The following PPP3CA variants were observed in gnomAD, a reference collection of about 807,000 sequenced individuals.
PPP3CA encodes CAM-PRP catalytic subunit.
A neutral mutation model predicts 66.5 loss-of-function variants in PPP3CA; 14 were observed. The observed-to-expected ratio is 0.21, with a 90% CI of 0.14 to 0.33. The LOEUF is 0.33. Ranked by LOEUF, PPP3CA falls within the 10% of genes least tolerant of loss-of-function variation. The probability of loss-of-function intolerance (pLI) is 1.00; values close to 1 mark genes in which losing one functional copy is unlikely to be tolerated. For synonymous variants in PPP3CA, 232 were observed against 226.2 expected, an observed-to-expected ratio of 1.03 and a Z score of -0.23; for missense variants, 317 against 639.5, an observed-to-expected ratio of 0.50 and a Z score of 5.44.
intron 1 of PPP3CA, among the ~76,000 whole-genome samples, chr4:101,336,313 G>A (rs138611781): frequency 9.2e-5 from 14 of 152,018 alleles, no homozygotes; most frequent in Admixed American, 7.9e-4. Context: ...GCTCACGCCT[G>A]TAATCCCAGC....
intron 2 of PPP3CA, among the ~76,000 whole-genome samples, chr4:101,183,700 A>G (rs189510496): frequency 3.9e-5 from 6 of 152,310 alleles, no homozygotes; most frequent in Admixed American, 1.3e-4. Flanking sequence ...CTGTGTCACC[A>G]TTATGAACAA....
chr4:101,031,649 C>T (rs147383260), intron 12 of PPP3CA, among the ~76,000 whole-genome samples: 74 of 152,240 alleles, frequency 4.9e-4, no homozygotes, highest in Non-Finnish European at 7.8e-4. Context: ...CTCTGCTGGA[C>T]GGCACAGGTC....
At chr4:101,100,559 T>A (rs566879272) in intron 3 of PPP3CA, among the ~76,000 whole-genome samples, 1 of 152,260 alleles carries the variant, frequency 6.6e-6, no homozygotes, top group African/African-American at 2.4e-5. Flanking sequence ...TGACACAGCC[T>A]TCCTGGAATG....
intron 12 of PPP3CA, 152 bp from the exon 13 acceptor site, chr4:101,029,347 T>TAAAAAGAAAAAAAAAAAAAAAATGAA (rs1726816762): frequency 1.3e-5 from 1 of 78,822 alleles, no homozygotes. Context: ...ACAGAAATGC[T>TAAAAAGAAAAAAAAAAAAAAAATGAA]AAAAAAAAAA....
chr4:101,080,908 A>C (rs1167241035), intron 7 of PPP3CA, among the ~76,000 whole-genome samples: 2 of 152,180 alleles, frequency 1.3e-5, no homozygotes, highest in South Asian at 4.1e-4. Context: ...TTGGAAAATC[A>C]TAATTCATTT....
At chr4:101,041,429 A>ATTTTTT (rs11296247) in intron 10 of PPP3CA, among the ~76,000 whole-genome samples, 1 of 86,108 alleles carries the variant, frequency 1.2e-5, no homozygotes, top group African/African-American at 4.5e-5. Context: ...TACCTCACAA[A>ATTTTTT]TTTTTTTTTT....
At chr4:101,300,044 CAT>C (rs1728327693) in intron 1 of PPP3CA, among the ~76,000 whole-genome samples, 1 of 152,274 alleles carries the variant, frequency 6.6e-6, no homozygotes, top group South Asian at 2.1e-4. Context: ...TTCCCAGAAA[CAT>C]AGTCTACTAA....
intron 6 of PPP3CA, among the ~76,000 whole-genome samples, chr4:101,093,027 G>A (rs1268567170): frequency 3.3e-5 from 5 of 152,044 alleles, no homozygotes; most frequent in African/African-American, 1.2e-4. Context: ...TTGAGCAATC[G>A]CCACACTGTC....
At chr4:101,232,386 T>C (rs1725989988) in intron 1 of PPP3CA, among the ~76,000 whole-genome samples, 1 of 151,730 alleles carries the variant, frequency 6.6e-6, no homozygotes, top group Non-Finnish European at 1.5e-5. Flanking sequence ...AGTTAAAGTA[T>C]AATTTTTGGC....
chr4:101,055,626 G>A (rs1355363085), intron 10 of PPP3CA, among the ~76,000 whole-genome samples: 1 of 152,090 alleles, frequency 6.6e-6, no homozygotes, highest in Non-Finnish European at 1.5e-5. Flanking sequence ...TAAGACAGAA[G>A]CTAACGAAGA....
At chr4:101,207,713 C>T (rs948427564) in intron 1 of PPP3CA, among the ~76,000 whole-genome samples, 8 of 152,064 alleles carry the variant, frequency 5.3e-5, no homozygotes, top group African/African-American at 1.7e-4. Flanking sequence ...GTAATCCCAG[C>T]TACTTGGGAG....
At chr4:101,140,830 T>C (rs1388761451) in intron 2 of PPP3CA, among the ~76,000 whole-genome samples, 2 of 152,210 alleles carry the variant, frequency 1.3e-5, no homozygotes, top group African/African-American at 4.8e-5. Flanking sequence ...AGACACTCAT[T>C]TCTTTGAGTC....
chr4:101,159,870 T>C (rs188933010), intron 2 of PPP3CA, among the ~76,000 whole-genome samples: 1 of 152,174 alleles, frequency 6.6e-6, no homozygotes, highest in East Asian at 1.9e-4. Flanking sequence ...CTGAAATACA[T>C]ACATCAAAAC....
At chr4:101,047,495 TAGAGA>T (rs1476229449) in intron 10 of PPP3CA, among the ~76,000 whole-genome samples, 4 of 152,196 alleles carry the variant, frequency 2.6e-5, no homozygotes, top group Non-Finnish European at 5.9e-5. Context: ...ATCATTCACT[TAGAGA>T]AAAGTCCGTG....
At chr4:101,044,988 C>T (rs1727695221) in intron 10 of PPP3CA, among the ~76,000 whole-genome samples, 1 of 152,190 alleles carries the variant, frequency 6.6e-6, no homozygotes, top group Admixed American at 6.5e-5. Context: ...AGATTCTTAC[C>T]ACCTGGGGTA....
At chr4:101,146,600 G>C (rs552046133) in intron 2 of PPP3CA, among the ~76,000 whole-genome samples, 23 of 152,052 alleles carry the variant, frequency 1.5e-4, no homozygotes, top group African/African-American at 5.5e-4. Context: ...GCACCACCAC[G>C]CCAGGCTAAT....
chr4:101,027,339 T>TAGTATGG (rs2110201442), intron 13 of PPP3CA, among the ~76,000 whole-genome samples: 1 of 152,152 alleles, frequency 6.6e-6, no homozygotes, highest in East Asian at 1.9e-4. Flanking sequence ...TGCCTTTTAT[T>TAGTATGG]AGTATGGATG....
chr4:101,169,851 G>C (rs1723817790), intron 2 of PPP3CA, among the ~76,000 whole-genome samples: 1 of 152,002 alleles, frequency 6.6e-6, no homozygotes, highest in African/African-American at 2.4e-5. Context: ...ATGCTTTTAA[G>C]ACATGTTGGT....
chr4:101,079,047 A>G (rs1416340291), intron 8 of PPP3CA, among the ~76,000 whole-genome samples: 1 of 152,216 alleles, frequency 6.6e-6, no homozygotes, highest in Non-Finnish European at 1.5e-5. Flanking sequence ...CAAAACGGCA[A>G]TGTAAAAGAC....
Sources: allele counts gnomAD v4.1 joint callset (sites outside exome capture counted in the v4.1 genomes callset), GRCh38; gene constraint gnomAD v4.1.1; transcripts MANE v1.5; gene names NCBI Gene and HGNC (gene_info 2026-07-23, HGNC 2026-07-21).